Variants in HUWE1 observed in about 807,000 individuals in gnomAD.
HUWE1 encodes E3 ubiquitin-protein ligase HUWE1.
HUWE1 carries 18 observed loss-of-function variants against 299.4 expected under a neutral mutation model. The observed-to-expected ratio is 0.06, with a 90% confidence interval of 0.04 to 0.09. HUWE1 has a LOEUF of 0.09. HUWE1 is among the 10% of genes least tolerant of loss of function. The pLI, the probability that HUWE1 is intolerant of heterozygous loss-of-function variation, is 1.00. For synonymous variants in HUWE1, 1,317 were observed against 1,286.1 expected, an observed-to-expected ratio of 1.02 and a Z score of -0.51; for missense variants, 1,832 against 3,462.3, an observed-to-expected ratio of 0.53 and a Z score of 11.82.
intron 6 of HUWE1, among the ~76,000 whole-genome samples, chrX:53,646,135 G>A (rs916497862): frequency 4.5e-5 from 5 of 110,476 alleles, no homozygotes; most frequent in African/African-American, 1.6e-4. Flanking sequence ...TGCTCATAAG[G>A]AACCTGAGTG....
intron 18 of HUWE1, among the ~76,000 whole-genome samples, 163 bp from the exon 19 acceptor site, chrX:53,624,838 G>A (rs1372553980): frequency 9.0e-6 from 1 of 111,604 alleles, no homozygotes; most frequent in East Asian, 2.8e-4. Context: ...TTTATTATTT[G>A]TCCATGCAAT....
At chrX:53,534,277 A>C in intron 82 of HUWE1, 80 bp from the exon 83 acceptor site, 3 of 899,313 alleles carry the variant, frequency 3.3e-6, no homozygotes, top group Non-Finnish European at 4.9e-6. Context: ...TCTAGGAAAC[A>C]GGACTGGACT....
In HUWE1 at chrX:53,532,742, G is replaced by A. The variant is rs1311557783; in HGVS notation, c.*567C>T. On this transcript the variant is annotated 3_prime_UTR_variant, in exon 84 of 84. Coordinates refer to ENST00000262854, the MANE Select transcript of HUWE1 (RefSeq NM_031407.7). ...CCAGATGCCTAGCATGTGCTTAAGA[G>A]TTTTTTGTTTTTTTTTTTAAGTTTG... 1.9e-5 allele frequency: 2 copies of A among 108,068 alleles called. No homozygotes were observed. The highest frequency in any genetic ancestry group is 6.8e-5 in the African/African-American group (2 of 29,587). 8.9% of individuals were successfully genotyped at this position (108,068 alleles called of 1,213,427 possible). A position where few individuals can be genotyped will look rare whatever the true frequency, so the allele number is the denominator to read the frequency against.
In HUWE1 at chrX:53,534,534, G is replaced by A; in HGVS notation, c.12813C>T (p.Tyr4271=). 2.5e-6 allele frequency: 3 copies of A among 1,209,016 alleles called. No homozygotes were observed. Among genetic ancestry groups the A allele is most frequent in the Non-Finnish European group, 3.4e-6 (3 of 893,830 alleles). The part of the protein sequence containing the change: ...DLKSNTEYHK[Y]QSNSIQIQWF... ...AGCTCACCTGAATAGAGTTGGACTG[G>A]TACTTGTGGTATTCAGTGTTGGATT... The change falls in exon 82 of 84, where the codon TAC becomes TAT. Residue 4271 remains tyrosine (Y), a synonymous_variant. Coordinates refer to ENST00000262854, the MANE Select transcript of HUWE1 (RefSeq NM_031407.7).
At chrX:53,589,891 GT>G in intron 35 of HUWE1, 75 bp from the exon 36 acceptor site, 1 of 1,041,368 alleles carries the variant, frequency 9.6e-7, no homozygotes, top group Non-Finnish European at 1.3e-6. Context: ...CTCTGAGAAT[GT>G]TTTTGCTCTA....
chrX:53,573,602 C>G, intron 47 of HUWE1, 148 bp downstream of exon 47: 2 of 517,587 alleles, frequency 3.9e-6, no homozygotes, highest in Non-Finnish European at 6.7e-6. Context: ...GCCACCGCAC[C>G]CGGCCTTGCA....
At chrX:53,684,119 G>A (rs1272030329) in intron 2 of HUWE1, 2 of 259,879 alleles carry the variant, frequency 7.7e-6, no homozygotes, top group African/African-American at 5.5e-5. Flanking sequence ...TTCACCCTAC[G>A]CGAAGCGAAA....
chrX:53,533,994 CCCTT>C lies in HUWE1; in HGVS notation c.13022+9_13022+12del. The C allele has an allele frequency of 8.3e-7, 1 of 1,201,416 alleles. No individual in the cohort carries two copies. ...CTAAGCACTGAAAAGGAGAAACAAA[CCCTT>C]CCTTTTACCATGTGTGAGCTGAAGG... On this transcript the variant is annotated intron_variant, in intron 83 of 83. Coordinates refer to ENST00000262854, the MANE Select transcript of HUWE1 (RefSeq NM_031407.7).
chrX:53,654,160 A>G, intron 3 of HUWE1, 29 bp from the exon 4 acceptor site: 1 of 891,870 alleles, frequency 1.1e-6, no homozygotes, highest in Non-Finnish European at 1.6e-6. Context: ...AAAAGAAGTG[A>G]GAACTTAAAG....
chrX:53,610,219 A>C (rs1800146091), intron 23 of HUWE1, among the ~76,000 whole-genome samples: 1 of 112,025 alleles, frequency 8.9e-6, no homozygotes, highest in African/African-American at 3.2e-5. Context: ...CCCTTTGAAG[A>C]AGCCAGATAT....
rs782735046 is a variant in HUWE1, at chrX:53,647,352, C to G, written c.351+16G>C. On this transcript the variant is annotated intron_variant, in intron 6 of 83. Coordinates refer to ENST00000262854, the MANE Select transcript of HUWE1 (RefSeq NM_031407.7). Reference sequence around the variant, plus strand: ...TCTAGTCAAGAACAGGGTACACAGGCTTTAACCTCCCCTACCTCTATGGAA... The same window carrying G: ...TCTAGTCAAGAACAGGGTACACAGGGTTTAACCTCCCCTACCTCTATGGAA... 51 of 1,158,705 alleles carry G rather than the reference C, an allele frequency of 4.4e-5. 1 individual carries two copies. In the South Asian group the frequency reaches 8.5e-4, roughly 19 times the overall value.
intron 80 of HUWE1, 76 bp from the exon 81 acceptor site, chrX:53,535,577 A>G: frequency 1.5e-6 from 1 of 672,895 alleles, no homozygotes; most frequent in Non-Finnish European, 2.4e-6. Context: ...AACACACCCT[A>G]AACCCCTTGC....
chrX:53,574,728 T>C (rs1161879332), intron 46 of HUWE1, among the ~76,000 whole-genome samples: 1 of 112,222 alleles, frequency 8.9e-6, no homozygotes, highest in Non-Finnish European at 1.9e-5. Flanking sequence ...TTTAAAGGTC[T>C]CATTAGACTT....
At chrX:53,579,334 G>GC (rs2063480666) in intron 43 of HUWE1, among the ~76,000 whole-genome samples, 1 of 96,586 alleles carries the variant, frequency 1.0e-5, no homozygotes, top group Non-Finnish European at 2.1e-5. Context: ...GGGGGGGTCA[G>GC]CCCCCCGCCC....
chrX:53,602,528 G>A (rs1556991965), intron 28 of HUWE1, 36 bp downstream of exon 28: 3 of 810,515 alleles, frequency 3.7e-6, no homozygotes, highest in Non-Finnish European at 5.6e-6. Context: ...ACAAAACTTA[G>A]AAGTAATGAC....
At chrX:53,542,353 C>A in intron 74 of HUWE1, 90 bp downstream of exon 74, 1 of 635,359 alleles carries the variant, frequency 1.6e-6, no homozygotes, top group South Asian at 2.2e-5. Flanking sequence ...AAACACTGGG[C>A]TTATATATGC....
intron 38 of HUWE1, 63 bp downstream of exon 38, chrX:53,586,719 C>G (rs2063878372): frequency 8.4e-7 from 1 of 1,193,601 alleles, no homozygotes; most frequent in East Asian, 3.0e-5. Context: ...AGAAGAGTGC[C>G]TGATTCAGGC....
chrX:53,651,677 A>AG (rs1464708594), intron 4 of HUWE1, among the ~76,000 whole-genome samples: 2 of 111,350 alleles, frequency 1.8e-5, no homozygotes, highest in African/African-American at 3.3e-5. Flanking sequence ...CCACACACGG[A>AG]GGGCAGACTA....
intron 3 of HUWE1, among the ~76,000 whole-genome samples, chrX:53,679,573 T>C (rs973882166): frequency 4.5e-5 from 5 of 111,536 alleles, no homozygotes; most frequent in South Asian, 3.7e-4. Context: ...GAGGATGGCT[T>C]GAGCCCAGGA....
Sources: gnomAD v4.1 joint callset for allele counts (sites outside exome capture counted in the v4.1 genomes callset) on GRCh38, gnomAD v4.1.1 for gene constraint, MANE v1.5 for transcripts, NCBI Gene and HGNC (gene_info 2026-07-23, HGNC 2026-07-21) for gene names.